Variants in FOXN3 observed in about 807,000 individuals in gnomAD.
The protein encoded by FOXN3 is forkhead box protein N3.
Under a neutral mutation model 38.4 loss-of-function variants are expected in FOXN3, and 7 were observed. The observed-to-expected ratio is 0.18, with a 90% CI of 0.10 to 0.34. FOXN3 has a LOEUF of 0.34. Ranked by LOEUF, FOXN3 falls within the 10% of genes least tolerant of loss-of-function variation. The probability of loss-of-function intolerance (pLI) is 1.00; values close to 1 mark genes in which losing one functional copy is unlikely to be tolerated. For synonymous variants in FOXN3, 230 were observed against 242.2 expected (o/e 0.95, Z 0.47); for missense variants, 456 against 613.4 (o/e 0.74, Z 2.71).
At chr14:89,563,326 T>C (rs2139882513) in intron 1 of FOXN3, among the ~76,000 whole-genome samples, 1 of 152,326 alleles carries the variant, frequency 6.6e-6, no homozygotes, top group Admixed American at 6.5e-5. Context: ...TGCAAATAAA[T>C]ATGATATTCT....
At chr14:89,305,268 C>T (rs978945473) in intron 3 of FOXN3, among the ~76,000 whole-genome samples, 1 of 152,164 alleles carries the variant, frequency 6.6e-6, no homozygotes, top group Non-Finnish European at 1.5e-5. Context: ...GACGTTTATG[C>T]TGGAGCTTCA....
intron 4 of FOXN3, among the ~76,000 whole-genome samples, chr14:89,206,248 A>C (rs1223827090): frequency 6.6e-6 from 1 of 152,208 alleles, no homozygotes; most frequent in Non-Finnish European, 1.5e-5. Flanking sequence ...ATGAGGAATA[A>C]AGGAGGCCCA....
intron 1 of FOXN3, among the ~76,000 whole-genome samples, chr14:89,606,933 T>C (rs1896288251): frequency 6.6e-6 from 1 of 152,180 alleles, no homozygotes; most frequent in Non-Finnish European, 1.5e-5. Flanking sequence ...GACTCAAGAC[T>C]GAAATATAAC....
chr14:89,198,237 C>A (rs1441724946), intron 4 of FOXN3, among the ~76,000 whole-genome samples: 2 of 152,138 alleles, frequency 1.3e-5, no homozygotes, highest in Non-Finnish European at 2.9e-5. Flanking sequence ...CATCTAACAA[C>A]TATTTACATA....
At chr14:89,586,418 C>G (rs1895843688) in intron 1 of FOXN3, among the ~76,000 whole-genome samples, 1 of 152,130 alleles carries the variant, frequency 6.6e-6, no homozygotes, top group Non-Finnish European at 1.5e-5. Context: ...TTTTAGGTTC[C>G]TGATCACAAA....
At chr14:89,193,384 A>G (rs1888014166) in intron 4 of FOXN3, among the ~76,000 whole-genome samples, 4 of 152,224 alleles carry the variant, frequency 2.6e-5, no homozygotes, top group Admixed American at 6.5e-5. Context: ...ACATAGTGAA[A>G]GAAAGAAAAC....
intron 4 of FOXN3, among the ~76,000 whole-genome samples, chr14:89,193,127 A>T (rs1888005256): frequency 6.6e-6 from 1 of 152,012 alleles, no homozygotes; most frequent in Non-Finnish European, 1.5e-5. Context: ...CTCTGCCATT[A>T]TTGAGAACGA....
chr14:89,412,357 G>A lies in FOXN3; in HGVS notation c.120C>T (p.Asp40=). 6.2e-7 allele frequency: 1 copy of A among 1,614,174 alleles called. No homozygotes were observed. Among genetic ancestry groups the A allele is most frequent in the Non-Finnish European group, 8.5e-7 (1 of 1,180,038 alleles). The part of the protein sequence containing the change: ...GFSKALQEDD[D]LDFSLPDIRL... ...GGATGTCAGGCAGAGAAAAGTCGAG[G>A]TCATCGTCTTCCTGAAGGGCCTTGG... Residue 40 remains aspartate (D), a synonymous_variant, in exon 2 of 6, where the codon GAC becomes GAT. Transcript: ENST00000557258. The surrounding 1 kb of genome is among the most constrained non-coding windows in gnomAD (Gnocchi z 4.7).
At chr14:89,482,419 G>C (rs903917028) in intron 1 of FOXN3, among the ~76,000 whole-genome samples, 3 of 151,590 alleles carry the variant, frequency 2.0e-5, no homozygotes, top group Non-Finnish European at 4.4e-5. Flanking sequence ...CCAGAAGTTT[G>C]AGACCAGCCT....
At chr14:89,350,345 G>A (rs1260801277) in intron 3 of FOXN3, 2 of 181,872 alleles carry the variant, frequency 1.1e-5, no homozygotes, top group Non-Finnish European at 2.3e-5. Flanking sequence ...TGCTTGACTC[G>A]TTCCTGTACT....
intron 1 of FOXN3, among the ~76,000 whole-genome samples, chr14:89,465,418 C>T (rs1208780343): frequency 3.9e-5 from 6 of 152,048 alleles, no homozygotes; most frequent in Admixed American, 2.0e-4. Flanking sequence ...TTAGTAGAGA[C>T]GGGTTTTCAA....
At chr14:89,313,627 A>G (rs1041969405) in intron 3 of FOXN3, among the ~76,000 whole-genome samples, 15 of 151,846 alleles carry the variant, frequency 9.9e-5, no homozygotes, top group Admixed American at 6.5e-5. Flanking sequence ...CACATGCAGT[A>G]TGAGCTCAGG....
At chr14:89,611,662 C>T (rs186950083) in intron 1 of FOXN3, among the ~76,000 whole-genome samples, 39 of 152,176 alleles carry the variant, frequency 2.6e-4, no homozygotes, top group African/African-American at 7.9e-4. Context: ...AAAAATTAGC[C>T]GGGCATGGCA....
intron 5 of FOXN3, among the ~76,000 whole-genome samples, chr14:89,179,455 C>T (rs1447532720): frequency 6.6e-6 from 1 of 152,274 alleles, no homozygotes; most frequent in Non-Finnish European, 1.5e-5. Flanking sequence ...AGCAAAATGG[C>T]CTTCAGGTGC....
chr14:89,290,343 C>T (rs924941849), intron 3 of FOXN3: 7 of 371,542 alleles, frequency 1.9e-5, no homozygotes, highest in African/African-American at 8.6e-5. Flanking sequence ...GCATCTTCCC[C>T]GAGTTAGGTA....
chr14:89,553,352 G>A (rs1165667034), intron 1 of FOXN3, among the ~76,000 whole-genome samples: 2 of 151,096 alleles, frequency 1.3e-5, no homozygotes, highest in Non-Finnish European at 2.9e-5. Flanking sequence ...TACATAATGA[G>A]GACAGTCTGG....
At chr14:89,469,731 G>A (rs1566666941) in intron 1 of FOXN3, among the ~76,000 whole-genome samples, 1 of 152,158 alleles carries the variant, frequency 6.6e-6, no homozygotes, top group Non-Finnish European at 1.5e-5. Context: ...CTAGGTGATG[G>A]GCTCTGCTAC....
intron 2 of FOXN3, among the ~76,000 whole-genome samples, chr14:89,411,041 A>G (rs1349440672): frequency 1.3e-5 from 2 of 152,212 alleles, no homozygotes; most frequent in Non-Finnish European, 2.9e-5. Context: ...ACGGGGCTGC[A>G]CAGCAGGAGG....
intron 1 of FOXN3, among the ~76,000 whole-genome samples, chr14:89,575,043 G>A (rs553772059): frequency 3.3e-5 from 5 of 152,260 alleles, no homozygotes; most frequent in South Asian, 4.1e-4. Flanking sequence ...AGAAAATCAC[G>A]AAGTGCTCTA....
Sources: gnomAD v4.1 joint callset for allele counts (sites outside exome capture counted in the v4.1 genomes callset) on GRCh38, gnomAD v4.1.1 for gene constraint, Gnocchi (gnomAD v3.1) non-coding constraint, MANE v1.5 for transcripts, NCBI Gene and HGNC (gene_info 2026-07-23, HGNC 2026-07-21) for gene names.